The following EML6 variants were observed in gnomAD, a reference collection of about 807,000 sequenced individuals.
EML6 encodes echinoderm microtubule-associated protein-like 6.
Under a neutral mutation model 240.1 loss-of-function variants are expected in EML6, and 154 were observed. The ratio of observed to expected loss-of-function variants is 0.64; its 90% CI spans 0.56 to 0.73. EML6 has a LOEUF of 0.73. Among genes scored for constraint, EML6 ranks in the 30% least tolerant of loss-of-function variants. The pLI is 0.00. For missense variants in EML6, 2,964 were observed against 2,474.6 expected (o/e 1.20, Z -4.20); for synonymous variants, 1,148 against 899.0 (o/e 1.28, Z -4.95).
At chr2:54,922,386 GAAC>G (rs1674304025) in intron 26 of EML6, among the ~76,000 whole-genome samples, 1 of 152,126 alleles carries the variant, frequency 6.6e-6, no homozygotes, top group Admixed American at 6.5e-5. Flanking sequence ...ATTAAAAAAA[GAAC>G]AAGTGTTGGT....
intron 6 of EML6, among the ~76,000 whole-genome samples, chr2:54,828,575 C>T (rs543686164): frequency 2.0e-5 from 3 of 152,332 alleles, no homozygotes; most frequent in African/African-American, 4.8e-5. Flanking sequence ...TATGACATTT[C>T]AGATCTTTCA....
rs955443548 is a variant in EML6, at chr2:54,970,177, A to G, written c.*82A>G. 7.1e-7 allele frequency: 1 copy of G among 1,410,098 alleles called. No individual in the cohort carries two copies. Among genetic ancestry groups the G allele is most frequent in the Admixed American group, 2.0e-5 (1 of 50,752 alleles). 87.3% of individuals were successfully genotyped at this position (1,410,098 alleles called of 1,614,324 possible). A position where few individuals can be genotyped will look rare whatever the true frequency, so the allele number is the denominator to read the frequency against. Reference sequence around the variant, plus strand: ...GGCCATGCTGAGGTGCCTCCTTGCCACCAGCCGTTGGGAAATGCCTACCAT... The same window carrying G: ...GGCCATGCTGAGGTGCCTCCTTGCCGCCAGCCGTTGGGAAATGCCTACCAT... On this transcript the variant is annotated 3_prime_UTR_variant, in exon 42 of 42. Transcript: ENST00000356458.
chr2:54,957,089 C>T (rs1044907433), intron 32 of EML6, among the ~76,000 whole-genome samples: 2 of 152,022 alleles, frequency 1.3e-5, no homozygotes, highest in Non-Finnish European at 2.9e-5. Context: ...CTGCACTGCA[C>T]CTTCTGAAAT....
At chr2:54,775,817 T>C (rs1339247306) in intron 2 of EML6, among the ~76,000 whole-genome samples, 1 of 152,192 alleles carries the variant, frequency 6.6e-6, no homozygotes, top group Non-Finnish European at 1.5e-5. Flanking sequence ...CTAAAACCCA[T>C]TCTAACAGAA....
chr2:54,844,301 C>T (rs547735293), intron 8 of EML6, 53 bp downstream of exon 8: 9 of 1,402,762 alleles, frequency 6.4e-6, no homozygotes, highest in East Asian at 2.5e-5. Flanking sequence ...GATTTATTTG[C>T]CCAAATTTGC....
Position 54,732,562 on chromosome 2 carries a change from A to T in EML6, c.197+7304A>T, listed in dbSNP as rs6712149. Among the ~76,000 whole-genome samples the T allele has an allele frequency of 7.1e-3, 1,076 of 152,296 alleles. 14 individuals carry two copies. The highest frequency in any genetic ancestry group is 0.024 in the African/African-American group (1,005 of 41,552). On this transcript the variant is annotated intron_variant, in intron 2 of 41. Transcript: ENST00000356458. ...TTGTTGAAAAGACTACTTTTTCTCC[A>T]TGAAATTATCTTAGATGCCCACAGC...
At chr2:54,845,479 C>A (rs1349336304) in intron 8 of EML6, among the ~76,000 whole-genome samples, 1 of 152,178 alleles carries the variant, frequency 6.6e-6, no homozygotes, top group Non-Finnish European at 1.5e-5. Flanking sequence ...ATCTTATTCC[C>A]TTTAACCATT....
At position 54,847,727 on chromosome 2, in the gene EML6, G is replaced by A; in HGVS notation, c.1187+104G>A. 3 of 1,296,268 alleles carry A rather than the reference G, an allele frequency of 2.3e-6. No homozygotes were observed. In the South Asian group the frequency reaches 4.3e-5, roughly 19 times the overall value. 80.3% of individuals were successfully genotyped at this position (1,296,268 alleles called of 1,614,324 possible). A position where few individuals can be genotyped will look rare whatever the true frequency, so the allele number is the denominator to read the frequency against. On this transcript the variant is annotated intron_variant, in intron 9 of 41. Coordinates refer to ENST00000356458, the MANE Select transcript of EML6 (RefSeq NM_001039753.4). ...TAGGACCTTAGGAAAAATCCATTTA[G>A]CCATTCAAATAGGAATACTATAGAT...
At chr2:54,846,150 G>A (rs895199147) in intron 8 of EML6, among the ~76,000 whole-genome samples, 1 of 152,138 alleles carries the variant, frequency 6.6e-6, no homozygotes, top group Non-Finnish European at 1.5e-5. Context: ...CAGGAGTCCT[G>A]TGAGGTGTCC....
At position 54,894,961 on chromosome 2, in the gene EML6, A is replaced by G. The variant is rs1672683439; in HGVS notation, c.2789A>G (p.Asp930Gly). The part of the protein sequence containing the change: ...GKDGIVELWD[D>G]MFERCLKTYA... ...GACGGCATCGTGGAGCTCTGGGATG[A>G]TATGTTTGAAAGATGTTTGAAGACT... Residue 930 changes from aspartate to glycine, a missense_variant, in exon 20 of 42, where the codon GAT (aspartate) becomes GGT (glycine). By Grantham distance (94) the Asp-to-Gly change is moderately conservative. Transcript: ENST00000356458. The G allele has an allele frequency of 1.9e-6, 3 of 1,551,462 alleles. No individual in the cohort carries two copies. Among genetic ancestry groups the G allele is most frequent in the Non-Finnish European group, 2.6e-6 (3 of 1,146,774 alleles).
chr2:54,862,128 G>C (rs1308870241), intron 12 of EML6, among the ~76,000 whole-genome samples: 1 of 151,858 alleles, frequency 6.6e-6, no homozygotes, highest in African/African-American at 2.4e-5. Context: ...TTGAGGTTAG[G>C]AGTTTGAACA....
In EML6 at chr2:54,963,969, C is replaced by A; in HGVS notation, c.5158-17C>A. On this transcript the variant is annotated splice_polypyrimidine_tract_variant and intron_variant, in intron 36 of 41. Coordinates refer to ENST00000356458, the MANE Select transcript of EML6 (RefSeq NM_001039753.4). Reference sequence around the variant, plus strand: ...GGGGGCCAAGAGCTCAGGTGACTTTCCTTTGCATCAATGTAGAAGCTGTTA... The same window carrying A: ...GGGGGCCAAGAGCTCAGGTGACTTTACTTTGCATCAATGTAGAAGCTGTTA... 6.5e-7 allele frequency: 1 copy of A among 1,542,698 alleles called. No individual in the cohort carries two copies. The highest frequency in any genetic ancestry group is 8.8e-7 in the Non-Finnish European group (1 of 1,142,596).
intron 2 of EML6, among the ~76,000 whole-genome samples, chr2:54,763,008 T>A (rs1369506335): frequency 1.3e-5 from 2 of 152,186 alleles, no homozygotes; most frequent in African/African-American, 4.8e-5. Context: ...AACCCCCCAA[T>A]TCCAACACAG....
At chr2:54,842,000 A>C (rs974717616) in intron 7 of EML6, among the ~76,000 whole-genome samples, 2 of 152,028 alleles carry the variant, frequency 1.3e-5, no homozygotes, top group Admixed American at 1.3e-4. Flanking sequence ...ACACACATAC[A>C]TAGCTTCCCT....
At chr2:54,917,402 T>C (rs1442512037) in intron 26 of EML6, among the ~76,000 whole-genome samples, 3 of 151,178 alleles carry the variant, frequency 2.0e-5, no homozygotes, top group East Asian at 3.9e-4. Flanking sequence ...TTTCACTCTT[T>C]TGCCCAGGCT....
intron 41 of EML6, among the ~76,000 whole-genome samples, chr2:54,969,477 G>A (rs1676896784): frequency 6.6e-6 from 1 of 152,142 alleles, no homozygotes; most frequent in Non-Finnish European, 1.5e-5. Flanking sequence ...CTGCTGTGCT[G>A]GCTACTTCTG....
At chr2:54,789,299 G>A (rs1204486193) in intron 2 of EML6, among the ~76,000 whole-genome samples, 2 of 151,928 alleles carry the variant, frequency 1.3e-5, no homozygotes, top group Admixed American at 6.6e-5. Context: ...GGATCACGAG[G>A]TCAGGAGATC....
intron 2 of EML6, among the ~76,000 whole-genome samples, chr2:54,754,488 A>G (rs1019940917): frequency 2.0e-5 from 3 of 152,150 alleles, no homozygotes; most frequent in Non-Finnish European, 4.4e-5. Flanking sequence ...CTCTTTTGTG[A>G]AGTGCCTCTT....
intron 39 of EML6, 47 bp downstream of exon 39, chr2:54,967,150 C>T (rs562743837): frequency 7.9e-7 from 1 of 1,258,836 alleles, no homozygotes; most frequent in Non-Finnish European, 1.1e-6. Context: ...ACAAGGGAGT[C>T]TCTTGTCTCA....
Sources: gnomAD v4.1 joint callset for allele counts (sites outside exome capture counted in the v4.1 genomes callset) on GRCh38, gnomAD v4.1.1 for gene constraint, MANE v1.5 for transcripts, NCBI Gene and HGNC (gene_info 2026-07-23, HGNC 2026-07-21) for gene names.